Variants in INF2 observed in about 807,000 individuals in gnomAD.
The protein encoded by INF2 is inverted formin-2.
In INF2, 43 loss-of-function variants were observed where a neutral mutation model predicts 123.5. That is an observed-to-expected ratio of 0.35 (90% CI 0.27 to 0.45). The LOEUF (loss-of-function observed/expected upper bound fraction) is 0.45, where lower values mean the gene tolerates loss of function less well. INF2 is among the 20% of genes least tolerant of loss of function. INF2 has a pLI of 1.00. For synonymous variants in INF2, 851 were observed against 745.0 expected (o/e 1.14, Z -2.32); for missense variants, 1,453 against 1,682.7 (o/e 0.86, Z 2.39).
intron 8 of INF2, 147 bp downstream of exon 8, chr14:104,708,149 G>A (rs1889873650): frequency 3.0e-6 from 4 of 1,321,306 alleles, no homozygotes; most frequent in East Asian, 2.5e-5. Flanking sequence ...TGGGCTCGGC[G>A]CCTGTGGTTG....
intron 18 of INF2, 95 bp from the exon 19 acceptor site, chr14:104,713,112 C>T (rs1167235124): frequency 6.2e-7 from 1 of 1,606,980 alleles, no homozygotes; most frequent in Non-Finnish European, 8.5e-7. Context: ...CATGTGGGCC[C>T]TGCGCTGCTG....
In INF2 at chr14:104,714,468, G is replaced by A. The variant is rs546564382; in HGVS notation, c.3306G>A (p.Pro1102=). The part of the protein sequence containing the change: ...QCPQPLEGAW[P]VTLGDAQALK... ...CCCAGCCCTTGGAGGGGGCCTGGCCGGTGACTCTGGGAGATGCTCAGGCCC... is the reference window on the plus strand; with the variant it reads ...CCCAGCCCTTGGAGGGGGCCTGGCCAGTGACTCTGGGAGATGCTCAGGCCC... Residue 1102 remains proline (P), a synonymous_variant, in exon 21 of 23, where the codon CCG becomes CCA. Transcript: ENST00000392634. The A allele has an allele frequency of 3.2e-5, 51 of 1,612,268 alleles. No homozygotes were observed. Among genetic ancestry groups the A allele is most frequent in the African/African-American group, 6.7e-5 (5 of 75,030 alleles).
In INF2 at chr14:104,708,679, C is replaced by T; in HGVS notation, c.1896C>T (p.Phe632=). ...GGTGGGGGGTTTTCTAGATCACTTTCCTCGATGCCAAGAAGAGCCTGAACC... is the reference window on the plus strand; with the variant it reads ...GGTGGGGGGTTTTCTAGATCACTTTTCTCGATGCCAAGAAGAGCCTGAACC... ...RARKEPKEIT[F]LDAKKSLNLN... Residue 632 remains phenylalanine (F), a synonymous_variant, in exon 10 of 23, where the codon TTC becomes TTT. Transcript: ENST00000392634. 2 of 1,613,022 alleles carry T rather than the reference C, an allele frequency of 1.2e-6. No homozygotes were observed. Among genetic ancestry groups the T allele is most frequent in the Non-Finnish European group, 1.7e-6 (2 of 1,179,854 alleles).
At position 104,699,282 on chromosome 14, in the gene INF2, G is replaced by C. The variant is rs1442135849; in HGVS notation, c.-9-2075G>C. The C allele has an allele frequency of 1.9e-6, 1 of 518,224 alleles. No individual in the cohort carries two copies. Among genetic ancestry groups the C allele is most frequent in the African/African-American group, 2.1e-5 (1 of 48,100 alleles). 32.1% of individuals were successfully genotyped at this position (518,224 alleles called of 1,614,324 possible). Reference sequence around the variant, plus strand: ...TCATAACTCCGTCCACTCAGCCTGTGCCAAGGGGACAGGGACTCCGGCCAA... The same window carrying C: ...TCATAACTCCGTCCACTCAGCCTGTCCCAAGGGGACAGGGACTCCGGCCAA... On this transcript the variant is annotated intron_variant, in intron 1 of 22. Coordinates refer to ENST00000392634, the MANE Select transcript of INF2 (RefSeq NM_022489.4). This position sits in a 1 kb window ranked among gnomAD's most constrained non-coding sequence, Gnocchi z 4.7.
intron 13 of INF2, chr14:104,710,610 C>T: frequency 1.9e-6 from 1 of 517,856 alleles, no homozygotes; most frequent in Non-Finnish European, 3.5e-6. Flanking sequence ...CCCTCACATA[C>T]ATGTACAGAC....
rs773186261 is a variant in INF2, at chr14:104,708,571, G to A, written c.1871G>A (p.Arg624Lys). ...KEPTMVAPRA[R>K]KEPKEITFLD... ...CCCACCATGGTGGCCCCCCGGGCCA[G>A]GAAGGAGCCCAAGGAGGTGGGGACG... The change falls in exon 9 of 23, where the codon AGG (arginine) becomes AAG (lysine). Residue 624 changes from arginine to lysine, a missense_variant. Physicochemically the swap from Arg to Lys is conservative, Grantham distance 26 (BLOSUM62 2). Transcript: ENST00000392634. The A allele has an allele frequency of 1.2e-6, 2 of 1,612,334 alleles. No individual in the cohort carries two copies. Among genetic ancestry groups the A allele is most frequent in the South Asian group, 2.2e-5 (2 of 91,080 alleles).
chr14:104,711,014 CAG>C lies in INF2; in HGVS notation c.2310+8_2310+9del, dbSNP rs770020200. On this transcript the variant is annotated splice_region_variant and intron_variant, in intron 14 of 22. Coordinates refer to ENST00000392634, the MANE Select transcript of INF2 (RefSeq NM_022489.4). ...TGGGAACTTCCTCAACTACGTAAGT[CAG>C]GGGCAGCTCCCCATCCCACCTGGTG... is the stretch of plus-strand genomic sequence containing the variant. 2 of 1,611,566 alleles carry C rather than the reference CAG, an allele frequency of 1.2e-6. No individual in the cohort carries two copies. The highest frequency in any genetic ancestry group is 1.7e-6 in the Non-Finnish European group (2 of 1,179,338).
Position 104,707,307 on chromosome 14 carries a change from G to A in INF2, c.1040G>A (p.Arg347Gln), listed in dbSNP as rs1212221513. 11 of 1,606,664 alleles carry A rather than the reference G, an allele frequency of 6.8e-6. No individual in the cohort carries two copies. The highest frequency in any genetic ancestry group is 2.2e-5 in the South Asian group (2 of 89,736). The change falls in exon 8 of 23, where the codon CGA becomes CAA. Residue 347 changes from arginine (R) to glutamine (Q), a missense_variant. Transcript: ENST00000392634. ...VVERLLSVKG[R>Q]PRPSPLVKAH... Reference sequence around the variant, plus strand: ...GAGCGGCTCCTGTCTGTCAAGGGGCGACCCAGACCGAGCCCCCTGGTCAAG... The same window carrying A: ...GAGCGGCTCCTGTCTGTCAAGGGGCAACCCAGACCGAGCCCCCTGGTCAAG...
Position 104,709,662 on chromosome 14 carries a change from G to T in INF2, c.2095G>T (p.Ala699Ser). 1.9e-6 allele frequency: 3 copies of T among 1,612,714 alleles called. No homozygotes were observed. Among genetic ancestry groups the T allele is most frequent in the Non-Finnish European group, 2.5e-6 (3 of 1,179,840 alleles). Residue 699 changes from alanine to serine, a missense_variant, in exon 12 of 23, where the codon GCC (alanine) becomes TCC (serine). Transcript: ENST00000392634. Reference protein sequence around the residue: ...RAFTEERAKLASADHFYLLLL... With the variant: ...RAFTEERAKLSSADHFYLLLL... ...ATTCACAGAGGAGCGAGCCAAGCTG[G>T]CCAGCGCCGACCACTTCTACCTCCT...
intron 22 of INF2, among the ~76,000 whole-genome samples, chr14:104,717,014 C>T (rs1266121245): frequency 1.3e-5 from 2 of 152,234 alleles, no homozygotes; most frequent in African/African-American, 2.4e-5. Flanking sequence ...TTTAGAAAAT[C>T]TTCAACACCA....
intron 22 of INF2, among the ~76,000 whole-genome samples, chr14:104,717,954 G>C (rs942035443): frequency 6.6e-6 from 1 of 152,206 alleles, no homozygotes; most frequent in African/African-American, 2.4e-5. Context: ...GCATTTGATG[G>C]GGACCAGCGG....
intron 4 of INF2, among the ~76,000 whole-genome samples, 183 bp from the exon 5 acceptor site, chr14:104,703,733 C>G (rs2140651127): frequency 6.6e-6 from 1 of 152,368 alleles, no homozygotes; most frequent in Non-Finnish European, 1.5e-5. Context: ...CCTGCCAGTT[C>G]TGGCAGTGAG....
intron 1 of INF2, among the ~76,000 whole-genome samples, chr14:104,700,391 C>G (rs1319429248): frequency 6.6e-6 from 1 of 152,142 alleles, no homozygotes; most frequent in Non-Finnish European, 1.5e-5. Context: ...CAGAGCGTGT[C>G]CCTGCCAGGC....
At chr14:104,708,204 C>T in intron 8 of INF2, 4 of 898,362 alleles carry the variant, frequency 4.5e-6, no homozygotes, top group Non-Finnish European at 6.7e-6. Flanking sequence ...CCTCTGAGGA[C>T]CCCCCTCCAC....
chr14:104,690,122 C>CCGCCCGGGTGG (rs1392485370), intron 1 of INF2: 1 of 152,196 alleles, frequency 6.6e-6, no homozygotes, highest in Non-Finnish European at 1.5e-5. Context: ...TTCGGGTCCG[C>CCGCCCGGGTGG]CGCCCGGGTG....
rs1566781633 is a variant in INF2, at chr14:104,707,575, G to A, written c.1308G>A (p.Glu436=). ...CCCTGCTCCCTGGTTCCAGTGCCGA[G>A]CCCCCTCCCCCTCCCCCACCACCCC... The part of the protein sequence containing the change: ...PPPLLPGSSA[E]PPPPPPPPPL... Residue 436 remains glutamate (E), a synonymous_variant, in exon 8 of 23, where the codon GAG becomes GAA. Transcript: ENST00000392634. 1 of 1,164,308 alleles carries A rather than the reference G, an allele frequency of 8.6e-7. No individual in the cohort carries two copies. Among genetic ancestry groups the A allele is most frequent in the Non-Finnish European group, 1.1e-6 (1 of 876,792 alleles). 72.1% of individuals were successfully genotyped at this position (1,164,308 alleles called of 1,614,324 possible). A position where few individuals can be genotyped will look rare whatever the true frequency, so the allele number is the denominator to read the frequency against.
chr14:104,704,317 A>C, intron 5 of INF2: 1 of 535,048 alleles, frequency 1.9e-6, no homozygotes, highest in African/African-American at 1.9e-5. Flanking sequence ...CGCAAGATGG[A>C]GACAGGGACA....
chr14:104,718,450 G>T (rs1270583176), intron 22 of INF2, among the ~76,000 whole-genome samples: 5 of 152,248 alleles, frequency 3.3e-5, no homozygotes, highest in African/African-American at 7.2e-5. Context: ...GCTGCAGGGG[G>T]TGGCAGTGGG....
At chr14:104,704,546 C>A (rs150380079) in intron 5 of INF2, 10 of 160,352 alleles carry the variant, frequency 6.2e-5, no homozygotes, top group Admixed American at 5.8e-4. Context: ...TTCTCCAGCG[C>A]ACGCACGCGC....
Sources: allele counts gnomAD v4.1 joint callset (sites outside exome capture counted in the v4.1 genomes callset), GRCh38; gene constraint gnomAD v4.1.1; non-coding constraint Gnocchi (gnomAD v3.1); transcripts MANE v1.5; gene names NCBI Gene and HGNC (gene_info 2026-07-23, HGNC 2026-07-21).